Variants in SPIDR observed in about 807,000 individuals in gnomAD.
SPIDR encodes the protein DNA repair-scaffolding protein.
SPIDR carries 93 observed loss-of-function variants against 104.6 expected under a neutral mutation model. That is an observed-to-expected ratio of 0.89 (90% CI 0.75 to 1.06). The LOEUF (loss-of-function observed/expected upper bound fraction) is 1.06, where lower values mean the gene tolerates loss of function less well. SPIDR is among the 50% of genes least tolerant of loss of function. The probability of loss-of-function intolerance (pLI) is 0.00; values close to 1 mark genes in which losing one functional copy is unlikely to be tolerated. For missense variants in SPIDR, 1,154 were observed against 1,111.2 expected, an observed-to-expected ratio of 1.04 and a Z score of -0.55; for synonymous variants, 431 against 416.9, an observed-to-expected ratio of 1.03 and a Z score of -0.41.
At chr8:47,606,294 T>C (rs181249010) in intron 10 of SPIDR, among the ~76,000 whole-genome samples, 1,644 of 151,180 alleles carry the variant, frequency 0.011, 18 homozygotes, top group Non-Finnish European at 0.014. Context: ...CCGAGGTGGG[T>C]GGATCACGAG....
At chr8:47,455,157 G>A (rs1438518909) in intron 8 of SPIDR, among the ~76,000 whole-genome samples, 2 of 152,066 alleles carry the variant, frequency 1.3e-5, no homozygotes, top group African/African-American at 4.8e-5. Flanking sequence ...ATGGGCAAGT[G>A]CATTTAATAA....
At chr8:47,282,539 A>C (rs1330431497) in intron 2 of SPIDR, among the ~76,000 whole-genome samples, 1 of 152,218 alleles carries the variant, frequency 6.6e-6, no homozygotes, top group African/African-American at 2.4e-5. Flanking sequence ...TTTCTTCTCC[A>C]GCTTCTTCAC....
At chr8:47,441,128 G>C (rs1292245549) in intron 8 of SPIDR, among the ~76,000 whole-genome samples, 1 of 152,032 alleles carries the variant, frequency 6.6e-6, no homozygotes, top group Non-Finnish European at 1.5e-5. Flanking sequence ...TAATTTTTTC[G>C]TAATTTTTTA....
intron 14 of SPIDR, among the ~76,000 whole-genome samples, chr8:47,707,935 T>C (rs1265012878): frequency 6.6e-6 from 1 of 152,276 alleles, no homozygotes; most frequent in Non-Finnish European, 1.5e-5. Flanking sequence ...TATTTTTTCC[T>C]GATAAATTTG....
intron 8 of SPIDR, among the ~76,000 whole-genome samples, chr8:47,445,735 GC>G (rs1303096117): frequency 9.2e-5 from 14 of 152,218 alleles, no homozygotes; most frequent in South Asian, 2.1e-4. Flanking sequence ...ATTCCAGTGA[GC>G]ACACAAATAT....
At position 47,735,743 on chromosome 8, in the gene SPIDR, G is replaced by GA. The variant is rs953436723; in HGVS notation, c.*300dup. ...CATTTGGTATTTAGGCAATATATGA[G>GA]AAAAAAATTTTTTTTGTTCATTTGT... On this transcript the variant is annotated 3_prime_UTR_variant, in exon 20 of 20. Coordinates refer to ENST00000297423, the MANE Select transcript of SPIDR (RefSeq NM_001080394.4). The GA allele has an allele frequency of 1.1e-5, 7 of 618,990 alleles. No homozygotes were observed. The highest frequency in any genetic ancestry group is 5.6e-5 in the African/African-American group (3 of 53,854). 38.3% of individuals were successfully genotyped at this position (618,990 alleles called of 1,614,324 possible).
chr8:47,635,115 G>C (rs138255466), intron 10 of SPIDR, among the ~76,000 whole-genome samples: 23 of 152,118 alleles, frequency 1.5e-4, no homozygotes, highest in Middle Eastern at 3.4e-3. Flanking sequence ...TGCGGTGGCT[G>C]ACACCTATAA....
At chr8:47,387,392 G>A (rs1485408239) in intron 5 of SPIDR, among the ~76,000 whole-genome samples, 1 of 152,176 alleles carries the variant, frequency 6.6e-6, no homozygotes, top group Non-Finnish European at 1.5e-5. Flanking sequence ...ATTGTGGTGT[G>A]TAGGGCAGAC....
rs782520270 is a variant in SPIDR, at chr8:47,347,835, A to G, written c.526-48541A>G. ...TCCTCCGTTCCTTTGTTTTGAGCCT[A>G]TGTGTGTCTTTGCAGGTGAGTTGGG... On this transcript the variant is annotated intron_variant, in intron 5 of 19. Coordinates refer to ENST00000297423, the MANE Select transcript of SPIDR (RefSeq NM_001080394.4). Among the ~76,000 whole-genome samples, 24 of 151,868 alleles carry G rather than the reference A, an allele frequency of 1.6e-4. 1 individual carries two copies. The highest frequency in any genetic ancestry group is 1.4e-3 in the Admixed American group (22 of 15,254).
chr8:47,433,412 C>T (rs933917553), intron 7 of SPIDR, among the ~76,000 whole-genome samples: 1 of 152,202 alleles, frequency 6.6e-6, no homozygotes, highest in African/African-American at 2.4e-5. Flanking sequence ...GATAGAAGAC[C>T]TGTTTCTTCC....
At chr8:47,355,819 G>A (rs1002669338) in intron 5 of SPIDR, among the ~76,000 whole-genome samples, 1 of 152,184 alleles carries the variant, frequency 6.6e-6, no homozygotes, top group Non-Finnish European at 1.5e-5. Flanking sequence ...TAGATTGAAT[G>A]TGCATAGATT....
At chr8:47,367,817 G>A (rs139783452) in intron 5 of SPIDR, among the ~76,000 whole-genome samples, 251 of 152,274 alleles carry the variant, frequency 1.6e-3, no homozygotes, top group Middle Eastern at 6.8e-3. Context: ...GTGAACGAAC[G>A]TAGGAAGGAA....
At chr8:47,345,918 G>A (rs1422337332) in intron 5 of SPIDR, among the ~76,000 whole-genome samples, 5 of 152,162 alleles carry the variant, frequency 3.3e-5, no homozygotes, top group South Asian at 2.1e-4. Flanking sequence ...AACAGGGACA[G>A]TTTGACTTCC....
intron 19 of SPIDR, among the ~76,000 whole-genome samples, chr8:47,729,961 C>A (rs1422916637): frequency 6.6e-6 from 1 of 152,188 alleles, no homozygotes; most frequent in Non-Finnish European, 1.5e-5. Flanking sequence ...TCAGGTGATC[C>A]TCCAACCTTG....
intron 10 of SPIDR, among the ~76,000 whole-genome samples, chr8:47,649,684 G>C (rs1424310595): frequency 6.6e-6 from 1 of 152,098 alleles, no homozygotes; most frequent in Non-Finnish European, 1.5e-5. Flanking sequence ...TGGGAATGAA[G>C]GGGTATCATG....
Position 47,627,830 on chromosome 8 carries a change from T to TG in SPIDR, c.1544+28636dup, listed in dbSNP as rs1340123841. 2.0e-5 allele frequency among the ~76,000 whole-genome samples: 3 copies of TG among 152,332 alleles called. No homozygotes were observed. In the South Asian group the frequency reaches 6.2e-4, roughly 32 times the overall value. ...CTGTCTTTGTGCAGCCTTGACGTAC[T>TG]GGCCGGAGTGGAATGGAGAAGTTAG... On this transcript the variant is annotated intron_variant, in intron 10 of 19. Coordinates refer to ENST00000297423, the MANE Select transcript of SPIDR (RefSeq NM_001080394.4).
intron 6 of SPIDR, among the ~76,000 whole-genome samples, chr8:47,401,193 A>G (rs77206775): frequency 2.6e-5 from 4 of 152,340 alleles, no homozygotes; most frequent in Admixed American, 2.6e-4. Context: ...CAACATTCTT[A>G]AAGAAAAGAA....
intron 10 of SPIDR, among the ~76,000 whole-genome samples, chr8:47,671,150 T>A (rs368194266): frequency 8.5e-5 from 13 of 152,134 alleles, no homozygotes; most frequent in East Asian, 7.7e-4. Flanking sequence ...ACTCAAGTGA[T>A]CCTCTCGCCT....
chr8:47,491,275 A>G (rs1554739326), intron 8 of SPIDR, among the ~76,000 whole-genome samples: 1 of 152,184 alleles, frequency 6.6e-6, no homozygotes. Context: ...ATTGAATTAA[A>G]AATGACTAAA....
Sources: gnomAD v4.1 joint callset for allele counts (sites outside exome capture counted in the v4.1 genomes callset) on GRCh38, gnomAD v4.1.1 for gene constraint, MANE v1.5 for transcripts, NCBI Gene and HGNC (gene_info 2026-07-23, HGNC 2026-07-21) for gene names.